Variants in SYNE2 observed in about 807,000 individuals in gnomAD.
The protein encoded by SYNE2 is nesprin-2.
In SYNE2, 431 loss-of-function variants were observed where a neutral mutation model predicts 856.3. The ratio of observed to expected loss-of-function variants is 0.50; its 90% confidence interval spans 0.47 to 0.55. The LOEUF (loss-of-function observed/expected upper bound fraction) is 0.55. Ranked by LOEUF, SYNE2 falls within the 20% of genes least tolerant of loss-of-function variation. SYNE2 has a pLI of 0.00. For synonymous variants in SYNE2, 2,923 were observed against 2,872.3 expected (o/e 1.02, Z -0.56); for missense variants, 8,129 against 8,023.2 (o/e 1.01, Z -0.50).
chr14:63,900,579 G>GTGTCACGTGTCA lies in SYNE2; in HGVS notation c.-51-8517_-51-8516insTCACGTGTCATG, dbSNP rs554449933. On this transcript the variant is annotated intron_variant, in intron 1 of 115. Transcript: ENST00000555002. ...GTTCCTCCCATGACACGTGGGAATT[G>GTGTCACGTGTCA]TGGGAGTTAAAATTCAGGATGAGAT... Among the ~76,000 whole-genome samples, 23 of 152,340 alleles carry GTGTCACGTGTCA rather than the reference G, an allele frequency of 1.5e-4. No homozygotes were observed. In the East Asian group the frequency reaches 4.2e-3, roughly 28 times the overall value.
At chr14:63,991,688 A>T (rs2096667652) in intron 21 of SYNE2, among the ~76,000 whole-genome samples, 1 of 152,128 alleles carries the variant, frequency 6.6e-6, no homozygotes, top group African/African-American at 2.4e-5. Context: ...ACTCACTATT[A>T]ATTAACATGG....
chr14:63,982,604 T>C (rs998470903), intron 16 of SYNE2, 26 bp from the exon 17 acceptor site: 2 of 1,609,094 alleles, frequency 1.2e-6, no homozygotes, highest in African/African-American at 2.7e-5. Context: ...GTCATTAAGA[T>C]AGTGTGTTGC....
In SYNE2 at chr14:63,986,540, G is replaced by A; in HGVS notation, c.2236G>A (p.Val746Met). Reference protein sequence around the residue: ...AKDVEKLIGQVEIWEAEAKSV... With the variant: ...AKDVEKLIGQMEIWEAEAKSV... ...AGATGTTGAAAAACTCATTGGACAA[G>A]TGGAAATCTGGGAGGCAGAAGCCAA... The change falls in exon 19 of 116, where the codon GTG (valine) becomes ATG (methionine). Residue 746 changes from valine (V) to methionine (M), a missense_variant. Val to Met is a conservative substitution (Grantham distance 21). This residue lies in a region of SYNE2 where 2,422 missense variants were observed against 2,357.4 expected (regional missense o/e 1.03). Transcript: ENST00000555002. The A allele has an allele frequency of 6.2e-7, 1 of 1,614,198 alleles. No homozygotes were observed. Among genetic ancestry groups the A allele is most frequent in the Non-Finnish European group, 8.5e-7 (1 of 1,180,014 alleles).
chr14:64,125,295 G>A (rs747524939), intron 71 of SYNE2, 85 bp downstream of exon 71: 145 of 1,573,414 alleles, frequency 9.2e-5, no homozygotes, highest in Middle Eastern at 1.7e-4. Context: ...CATAATTGTC[G>A]TCACTGAACA....
intron 62 of SYNE2, 33 bp from the exon 63 acceptor site, chr14:64,098,714 A>C (rs1319866967): frequency 5.0e-6 from 8 of 1,609,858 alleles, no homozygotes; most frequent in Middle Eastern, 3.3e-4. Context: ...ACTGGCAAGC[A>C]GACTGCAGGT....
At chr14:63,864,286 A>G (rs143519805) in intron 1 of SYNE2, 3 of 152,296 alleles carry the variant, frequency 2.0e-5, no homozygotes, top group African/African-American at 7.2e-5. Context: ...GTCTTTGTAC[A>G]TTTTTCTTTG....
At chr14:64,043,784 G>T (rs892452582) in intron 45 of SYNE2, among the ~76,000 whole-genome samples, 1 of 152,258 alleles carries the variant, frequency 6.6e-6, no homozygotes, top group African/African-American at 2.4e-5. Flanking sequence ...TGCTACGGGG[G>T]CGGGGCCCTC....
chr14:64,209,537 GTGT>G lies in SYNE2; in HGVS notation c.18503_18505del (p.Leu6168del). 1 of 1,614,214 alleles carries G rather than the reference GTGT, an allele frequency of 6.2e-7. No homozygotes were observed. The highest frequency in any genetic ancestry group is 8.5e-7 in the Non-Finnish European group (1 of 1,180,052). On this transcript the variant is annotated inframe_deletion, in exon 102 of 116. Coordinates refer to ENST00000555002, the MANE Select transcript of SYNE2 (RefSeq NM_182914.3). ...GGCAGCCTGCCCAAATTCCTCAGAG[GTGT>G]TGTACACGAGTGCCAAAGAGGAACT...
chr14:63,994,282 A>G (rs1266891154), intron 22 of SYNE2, among the ~76,000 whole-genome samples: 1 of 152,214 alleles, frequency 6.6e-6, no homozygotes, highest in Non-Finnish European at 1.5e-5. Context: ...AGCATCTACC[A>G]CTGAGATTAT....
chr14:64,019,717 A>G (rs748407577), intron 34 of SYNE2, among the ~76,000 whole-genome samples: 4 of 152,154 alleles, frequency 2.6e-5, no homozygotes, highest in Non-Finnish European at 5.9e-5. Context: ...AAATATATTT[A>G]TGAAATTGAA....
At chr14:63,960,632 A>G (rs2096298832) in intron 8 of SYNE2, 4 of 598,864 alleles carry the variant, frequency 6.7e-6, no homozygotes, top group East Asian at 2.8e-5. Flanking sequence ...AATAATCTTC[A>G]TTGCTTGTTT....
At chr14:63,787,804 C>T (rs141720811) in intron 1 of SYNE2, among the ~76,000 whole-genome samples, 3,396 of 152,276 alleles carry the variant, frequency 0.022, 47 homozygotes, top group Middle Eastern at 0.034. Flanking sequence ...CCACTTGGAC[C>T]CACAGGGACT....
At chr14:63,919,748 G>A (rs1303250500) in intron 2 of SYNE2, among the ~76,000 whole-genome samples, 6 of 152,182 alleles carry the variant, frequency 3.9e-5, no homozygotes, top group Admixed American at 1.3e-4. Flanking sequence ...ATGCCACACA[G>A]CAGTCAAGTA....
intron 8 of SYNE2, among the ~76,000 whole-genome samples, chr14:63,959,627 A>G (rs1231521004): frequency 2.0e-5 from 3 of 151,976 alleles, no homozygotes; most frequent in East Asian, 3.8e-4. Flanking sequence ...CAGTTTGGAC[A>G]TTGGTCTGGC....
At chr14:63,872,566 G>A (rs1242933907) in intron 1 of SYNE2, among the ~76,000 whole-genome samples, 5 of 152,088 alleles carry the variant, frequency 3.3e-5, no homozygotes, top group East Asian at 1.9e-4. Context: ...GACCAGCCTG[G>A]CCAATATGGT....
chr14:64,080,654 G>A lies in SYNE2; in HGVS notation c.11346+16G>A, dbSNP rs2097513379. ...GTTGAATAAGGTATGGCTGTGACTC[G>A]TAATAGCTTCATATCATGTGGTGGT... On this transcript the variant is annotated intron_variant, in intron 56 of 115. Transcript: ENST00000555002. 6 of 1,613,310 alleles carry A rather than the reference G, an allele frequency of 3.7e-6. 1 individual carries two copies. In the African/African-American group the frequency reaches 4.0e-5, roughly 11 times the overall value.
At position 64,030,175 on chromosome 14, in the gene SYNE2, G is replaced by A; in HGVS notation, c.6879+116G>A. The A allele has an allele frequency of 2.0e-6, 2 of 987,738 alleles. 1 individual carries two copies. The highest frequency in any genetic ancestry group is 2.8e-5 in the South Asian group (2 of 72,488). 61.2% of individuals were successfully genotyped at this position (987,738 alleles called of 1,614,324 possible). A position where few individuals can be genotyped will look rare whatever the true frequency, so the allele number is the denominator to read the frequency against. On this transcript the variant is annotated intron_variant, in intron 44 of 115. Transcript: ENST00000555002. ...TCCAGTGGTATTCAGATGACTCTTAGGTAATTAAAGCTCTGACCAGTCATA... is the reference window on the plus strand; with the variant it reads ...TCCAGTGGTATTCAGATGACTCTTAAGTAATTAAAGCTCTGACCAGTCATA...
At position 64,027,636 on chromosome 14, in the gene SYNE2, A is replaced by C. The variant is rs1434669493; in HGVS notation, c.6557A>C (p.Lys2186Thr). ...AAGAAAGCTCAGTTAAAGATTTATA[A>C]GAAATTCCTCAAGAAAGCCCAAGAT... ...QEKKAQLKIYKKFLKKAQDLT... is the reference protein window; with the variant it reads ...QEKKAQLKIYTKFLKKAQDLT... The change falls in exon 43 of 116, where the codon AAG becomes ACG. Residue 2186 changes from lysine (K) to threonine (T), a missense_variant. Lys to Thr is a moderately conservative substitution (Grantham distance 78, BLOSUM62 -1). Around this residue, in one of 3 missense-constraint regions of SYNE2, gnomAD observed 297 missense variants for 380.9 expected, o/e 0.78. Coordinates refer to ENST00000555002, the MANE Select transcript of SYNE2 (RefSeq NM_182914.3). 1.2e-5 allele frequency: 20 copies of C among 1,614,064 alleles called. No individual in the cohort carries two copies. In the Admixed American group the frequency reaches 1.7e-4, roughly 13 times the overall value.
chr14:63,868,922 A>G (rs74835101), intron 1 of SYNE2, among the ~76,000 whole-genome samples: 2 of 152,374 alleles, frequency 1.3e-5, no homozygotes, highest in African/African-American at 2.4e-5. Context: ...GGCCTCTCCA[A>G]TTGAACTAAA....
Sources: gnomAD v4.1 joint callset for allele counts (sites outside exome capture counted in the v4.1 genomes callset) on GRCh38, gnomAD v4.1.1 for gene constraint, gnomAD v4.1.1 regional missense constraint, MANE v1.5 for transcripts, NCBI Gene and HGNC (gene_info 2026-07-23, HGNC 2026-07-21) for gene names.